Variants in USP28 observed in about 807,000 individuals in gnomAD.
USP28 encodes ubiquitin carboxyl-terminal hydrolase 28.
USP28 carries 113 observed loss-of-function variants against 145.0 expected under a neutral mutation model. The observed-to-expected ratio is 0.78, with a 90% CI of 0.67 to 0.91. The LOEUF is 0.91. Among genes scored for constraint, USP28 ranks in the 40% least tolerant of loss-of-function variants. The probability of loss-of-function intolerance (pLI) is 0.00; values close to 1 mark genes in which losing one functional copy is unlikely to be tolerated. For synonymous variants in USP28, 447 were observed against 450.9 expected (o/e 0.99, Z 0.11); for missense variants, 1,201 against 1,289.6 (o/e 0.93, Z 1.05).
intron 12 of USP28, 35 bp downstream of exon 12, chr11:113,823,570 T>G (rs1157838387): frequency 3.5e-6 from 5 of 1,410,256 alleles, no homozygotes; most frequent in Non-Finnish European, 4.9e-6. Context: ...TAATATTCTT[T>G]TACATTTCTA....
At chr11:113,871,695 G>C (rs1219864879) in intron 1 of USP28, among the ~76,000 whole-genome samples, 1 of 152,212 alleles carries the variant, frequency 6.6e-6, no homozygotes, top group African/African-American at 2.4e-5. Flanking sequence ...ATGGCGTAGG[G>C]AGAGGGGGAC....
intron 12 of USP28, 52 bp downstream of exon 12, chr11:113,823,553 C>A: frequency 7.8e-7 from 1 of 1,275,788 alleles, no homozygotes; most frequent in Non-Finnish European, 1.1e-6. Flanking sequence ...AACAAATTAT[C>A]TGTTTTTAAT....
intron 10 of USP28, chr11:113,828,864 C>T (rs1313810312): frequency 2.0e-6 from 1 of 509,104 alleles, no homozygotes; most frequent in Non-Finnish European, 3.8e-6. Context: ...AATCACTGTA[C>T]TTTTACCCTC....
intron 7 of USP28, 137 bp from the exon 8 acceptor site, chr11:113,832,130 G>C (rs1944067780): frequency 2.6e-6 from 2 of 779,876 alleles, no homozygotes; most frequent in East Asian, 2.8e-5. Flanking sequence ...TTTGTTTTGA[G>C]ACAGGGTCTC....
At chr11:113,835,119 A>G in intron 5 of USP28, 1 of 374,530 alleles carries the variant, frequency 2.7e-6, no homozygotes, top group Non-Finnish European at 5.2e-6. Flanking sequence ...ATAGTATTGT[A>G]TTTTTTAAAA....
chr11:113,801,111 T>G (rs1445943764), intron 24 of USP28, among the ~76,000 whole-genome samples: 1 of 152,230 alleles, frequency 6.6e-6, no homozygotes, highest in Non-Finnish European at 1.5e-5. Flanking sequence ...CTGAAAGTGC[T>G]GGGATTACAG....
intron 12 of USP28, among the ~76,000 whole-genome samples, 183 bp downstream of exon 12, chr11:113,823,422 A>T (rs1297495749): frequency 6.6e-6 from 1 of 152,196 alleles, no homozygotes; most frequent in South Asian, 2.1e-4. Context: ...ACTATTATTT[A>T]CCCCCATGAA....
chr11:113,839,853 T>G lies in USP28; in HGVS notation c.534+745A>C, dbSNP rs558414274. 2.6e-5 allele frequency among the ~76,000 whole-genome samples: 4 copies of G among 152,146 alleles called. No individual in the cohort carries two copies. In the South Asian group the frequency reaches 6.2e-4, roughly 24 times the overall value. Reference sequence around the variant, plus strand: ...GCCTGACCAACATGATGAAACCCCATCTCGACTAAAAATACAAAATTAGCC... The same window carrying G: ...GCCTGACCAACATGATGAAACCCCAGCTCGACTAAAAATACAAAATTAGCC... On this transcript the variant is annotated intron_variant, in intron 5 of 24. Coordinates refer to ENST00000003302, the Ensembl canonical transcript of USP28.
At chr11:113,853,411 G>C (rs1244608342) in intron 2 of USP28, among the ~76,000 whole-genome samples, 1 of 151,006 alleles carries the variant, frequency 6.6e-6, no homozygotes. Flanking sequence ...TATATACCAG[G>C]AAAGGGAATA....
intron 11 of USP28, 129 bp from the exon 12 acceptor site, chr11:113,823,829 C>T (rs1385223432): frequency 1.4e-5 from 9 of 632,692 alleles, no homozygotes; most frequent in Non-Finnish European, 2.2e-5. Context: ...ATACGGCTGA[C>T]AGCATACTCA....
chr11:113,864,225 A>C (rs1158830927), intron 1 of USP28, among the ~76,000 whole-genome samples: 2 of 152,218 alleles, frequency 1.3e-5, no homozygotes, highest in Non-Finnish European at 2.9e-5. Flanking sequence ...TGGGCAACAG[A>C]GTGAGACTCT....
intron 3 of USP28, among the ~76,000 whole-genome samples, chr11:113,848,878 G>A (rs1305351273): frequency 6.6e-6 from 1 of 152,130 alleles, no homozygotes; most frequent in African/African-American, 2.4e-5. Context: ...ATTGCGGAGC[G>A]TTTACCAGGG....
At chr11:113,870,916 G>A (rs1200104878) in intron 1 of USP28, among the ~76,000 whole-genome samples, 1 of 152,062 alleles carries the variant, frequency 6.6e-6, no homozygotes, top group Non-Finnish European at 1.5e-5. Flanking sequence ...GACAACAGCT[G>A]GACTGGGCAA....
intron 1 of USP28, among the ~76,000 whole-genome samples, chr11:113,867,976 T>C (rs1168180016): frequency 6.6e-6 from 1 of 152,198 alleles, no homozygotes; most frequent in Non-Finnish European, 1.5e-5. Context: ...AGCTGGTACT[T>C]ACTGAGGCAG....
At position 113,805,668 on chromosome 11, in the gene USP28, A is replaced by T. The variant is rs533515684; in HGVS notation, c.2401-622T>A. Among the ~76,000 whole-genome samples the T allele has an allele frequency of 3.3e-5, 5 of 152,328 alleles. No individual in the cohort carries two copies. In the South Asian group the frequency reaches 1.0e-3, roughly 32 times the overall value. Reference sequence around the variant, plus strand: ...GTGTGTCAATGACTTAAACTTAAAGAATCTATACAAATGCAATTTTACTCA... The same window carrying T: ...GTGTGTCAATGACTTAAACTTAAAGTATCTATACAAATGCAATTTTACTCA... On this transcript the variant is annotated intron_variant, in intron 19 of 24. Coordinates refer to ENST00000003302, the Ensembl canonical transcript of USP28.
chr11:113,808,690 G>A (rs193211497), intron 17 of USP28, among the ~76,000 whole-genome samples: 1 of 152,274 alleles, frequency 6.6e-6, no homozygotes, highest in Non-Finnish European at 1.5e-5. Context: ...TCCCAACTTT[G>A]TCATATTTCT....
At chr11:113,827,175 G>T (rs934361467) in intron 11 of USP28, 58 bp downstream of exon 11, 5 of 1,560,276 alleles carry the variant, frequency 3.2e-6, no homozygotes, top group Non-Finnish European at 4.3e-6. Flanking sequence ...TACTTAGTAC[G>T]TGCTCATCTC....
Position 113,804,541 on chromosome 11 carries a change from T to C in USP28, c.2658+132A>G, listed in dbSNP as rs1031664633. 9.9e-5 allele frequency: 72 copies of C among 725,864 alleles called. No homozygotes were observed. The East Asian group carries it at 1.9e-3, about 19-fold the overall frequency. The allele number at this position is 725,864 out of a possible 1,614,324, so 45.0% of individuals were successfully genotyped here. The stretch of plus-strand genomic sequence containing the variant: ...AAGAAAATATCATTTATCCATTCTT[T>C]ACCAGGATTTTGAGGGGAAAGTGGA... On this transcript the variant is annotated intron_variant, in intron 21 of 24. Transcript: ENST00000003302.
intron 20 of USP28, 47 bp from the exon 22 acceptor site, chr11:113,804,798 A>C (rs1939652257): frequency 6.2e-7 from 1 of 1,611,862 alleles, no homozygotes; most frequent in Non-Finnish European, 8.5e-7. Context: ...ACAGGGCAAA[A>C]CTTCCCCAAC....
Sources: gnomAD v4.1 joint callset for allele counts (sites outside exome capture counted in the v4.1 genomes callset) on GRCh38, gnomAD v4.1.1 for gene constraint, MANE v1.5 for transcripts, NCBI Gene and HGNC (gene_info 2026-07-23, HGNC 2026-07-21) for gene names.